Variants in PAFAH1B1 observed in about 807,000 individuals in gnomAD.
PAFAH1B1 encodes platelet activating factor acetylhydrolase 1b regulatory subunit 1.
In PAFAH1B1, 2 loss-of-function variants were observed where a neutral mutation model predicts 57.5. That is an observed-to-expected ratio of 0.03 (90% confidence interval 0.01 to 0.11). The LOEUF is 0.11. Ranked by LOEUF, PAFAH1B1 falls within the 10% of genes least tolerant of loss-of-function variation. The probability of loss-of-function intolerance (pLI) is 1.00; values close to 1 mark genes in which losing one functional copy is unlikely to be tolerated. For missense variants in PAFAH1B1, 257 were observed against 512.0 expected, an observed-to-expected ratio of 0.50 and a Z score of 4.81; for synonymous variants, 152 against 169.6, an observed-to-expected ratio of 0.90 and a Z score of 0.81.
intron 1 of PAFAH1B1, among the ~76,000 whole-genome samples, chr17:2,594,962 T>C (rs1217542009): frequency 1.3e-5 from 2 of 152,186 alleles, no homozygotes; most frequent in Non-Finnish European, 2.9e-5. Context: ...GAGAGCAAGG[T>C]ACCATAGCTT....
intron 2 of PAFAH1B1, among the ~76,000 whole-genome samples, chr17:2,661,171 A>C (rs1266366890): frequency 6.6e-6 from 1 of 152,120 alleles, no homozygotes; most frequent in East Asian, 1.9e-4. Context: ...TCTTGAGTTT[A>C]ATTAGATCCC....
rs180682125 is a variant in PAFAH1B1 at position 2,649,399 on chromosome 17, C to T, written c.32+11079C>T. ...ACCAGCCTGGCCAATATGACGAAAC[C>T]CCATCTCTACTAAAAATACAAAAAT... On this transcript the variant is annotated intron_variant, in intron 2 of 10. Transcript: ENST00000397195. Among the ~76,000 whole-genome samples, 638 of 151,900 alleles carry T rather than the reference C, an allele frequency of 4.2e-3. 3 individuals are homozygous for T. Among genetic ancestry groups the T allele is most frequent in the Middle Eastern group, 0.02 (6 of 294 alleles).
intron 8 of PAFAH1B1, 188 bp from the exon 9 acceptor site, chr17:2,676,317 G>T: frequency 1.8e-6 from 1 of 544,884 alleles, no homozygotes; most frequent in Non-Finnish European, 3.3e-6. Flanking sequence ...GGCGGAGGTT[G>T]CAGTGACCCA....
At chr17:2,650,774 A>G (rs575638010) in intron 2 of PAFAH1B1, among the ~76,000 whole-genome samples, 1 of 151,926 alleles carries the variant, frequency 6.6e-6, no homozygotes, top group South Asian at 2.1e-4. Flanking sequence ...TTGTGTGTGT[A>G]TAATGCCATT....
chr17:2,622,435 G>A (rs1044513596), intron 1 of PAFAH1B1, among the ~76,000 whole-genome samples: 6 of 152,156 alleles, frequency 3.9e-5, no homozygotes, highest in Non-Finnish European at 7.4e-5. Flanking sequence ...AAACAAAGGG[G>A]TTACAGGGCC....
At chr17:2,620,789 G>A (rs1027485044) in intron 1 of PAFAH1B1, among the ~76,000 whole-genome samples, 1 of 150,694 alleles carries the variant, frequency 6.6e-6, no homozygotes, top group Non-Finnish European at 1.5e-5. Flanking sequence ...TTGAACCTGG[G>A]AGGCAGAGGT....
chr17:2,620,925 C>T (rs924894194), intron 1 of PAFAH1B1, among the ~76,000 whole-genome samples: 8 of 152,048 alleles, frequency 5.3e-5, no homozygotes, highest in African/African-American at 1.7e-4. Flanking sequence ...AAATTGTAGG[C>T]AAAACATCTT....
intron 1 of PAFAH1B1, among the ~76,000 whole-genome samples, chr17:2,602,278 T>C (rs1597508355): frequency 6.7e-6 from 1 of 149,852 alleles, no homozygotes; most frequent in African/African-American, 2.4e-5. Context: ...AGCGAGGGCC[T>C]ATCAATTTGA....
At chr17:2,623,626 C>G (rs905262400) in intron 1 of PAFAH1B1, among the ~76,000 whole-genome samples, 2 of 147,070 alleles carry the variant, frequency 1.4e-5, no homozygotes, top group Non-Finnish European at 3.0e-5. Flanking sequence ...TGCTCTACTT[C>G]CCCGTTTTTT....
intron 5 of PAFAH1B1, among the ~76,000 whole-genome samples, chr17:2,668,844 C>T (rs1230022087): frequency 5.3e-5 from 8 of 151,608 alleles, no homozygotes; most frequent in Admixed American, 3.3e-4. Context: ...GGAGTGATGG[C>T]GGGCTCCTGT....
chr17:2,627,054 C>G (rs771057420), intron 1 of PAFAH1B1, among the ~76,000 whole-genome samples: 2 of 152,152 alleles, frequency 1.3e-5, no homozygotes, highest in Admixed American at 6.6e-5. Context: ...TCTGTTTACT[C>G]TGCTGATTGT....
chr17:2,608,380 G>A (rs983667185), intron 1 of PAFAH1B1, among the ~76,000 whole-genome samples: 1 of 152,148 alleles, frequency 6.6e-6, no homozygotes, highest in African/African-American at 2.4e-5. Flanking sequence ...CATCACACCT[G>A]GCCCTTTTAC....
chr17:2,626,661 TCAAC>T (rs2068497946), intron 1 of PAFAH1B1, among the ~76,000 whole-genome samples: 2 of 144,308 alleles, frequency 1.4e-5, no homozygotes, highest in Non-Finnish European at 3.0e-5. Context: ...TTCAAGCAAT[TCAAC>T]TGCCTCAGCC....
chr17:2,646,171 A>T (rs1173359865), intron 2 of PAFAH1B1, among the ~76,000 whole-genome samples: 1 of 152,206 alleles, frequency 6.6e-6, no homozygotes, highest in Non-Finnish European at 1.5e-5. Flanking sequence ...GACCTTAATA[A>T]AATAGAAAAT....
chr17:2,618,996 T>TAACACTCCC (rs1348001334), intron 1 of PAFAH1B1, among the ~76,000 whole-genome samples: 1 of 148,384 alleles, frequency 6.7e-6, no homozygotes, highest in Non-Finnish European at 1.5e-5. Context: ...AACAGTCATA[T>TAACACTCCC]AACACTCCCA....
At chr17:2,649,072 G>A (rs1567545623) in intron 2 of PAFAH1B1, among the ~76,000 whole-genome samples, 1 of 151,756 alleles carries the variant, frequency 6.6e-6, no homozygotes, top group Non-Finnish European at 1.5e-5. Context: ...GGGCCAGGTG[G>A]GGGTGGCTCA....
chr17:2,641,525 TCTCA>T (rs1429155331), intron 2 of PAFAH1B1: 4 of 152,046 alleles, frequency 2.6e-5, no homozygotes, highest in Non-Finnish European at 5.9e-5. Flanking sequence ...TCATTACTAT[TCTCA>T]CTGTTTTCAT....
At chr17:2,662,994 TC>T in intron 2 of PAFAH1B1, among the ~76,000 whole-genome samples, 2 of 152,190 alleles carry the variant, frequency 1.3e-5, no homozygotes, top group Non-Finnish European at 2.9e-5. Flanking sequence ...CTGCCTGTAA[TC>T]CCAGCTACTC....
intron 1 of PAFAH1B1, among the ~76,000 whole-genome samples, chr17:2,608,091 T>C (rs564618494): frequency 2.7e-5 from 4 of 149,020 alleles, no homozygotes; most frequent in South Asian, 4.2e-4. Context: ...TTTCTTTTTC[T>C]TTTTTTTTTG....
Sources: gnomAD v4.1 joint callset for allele counts (sites outside exome capture counted in the v4.1 genomes callset) on GRCh38, gnomAD v4.1.1 for gene constraint, MANE v1.5 for transcripts, NCBI Gene and HGNC (gene_info 2026-07-23, HGNC 2026-07-21) for gene names.